CFAP70: variants seen among roughly 807,000 people sequenced by gnomAD.
CFAP70 encodes cilia and flagella associated protein 70.
In CFAP70, 81 loss-of-function variants were observed where a neutral mutation model predicts 137.6. The observed-to-expected ratio is 0.59, with a 90% CI of 0.49 to 0.71. The LOEUF is 0.71. Among genes scored for constraint, CFAP70 ranks in the 30% least tolerant of loss-of-function variants. The pLI is 0.00. For missense variants in CFAP70, 976 were observed against 1,226.7 expected (o/e 0.80, Z 3.05); for synonymous variants, 382 against 423.6 (o/e 0.90, Z 1.20).
chr10:73,354,148 C>A (rs1470451504), intron 2 of CFAP70, among the ~76,000 whole-genome samples: 1 of 152,184 alleles, frequency 6.6e-6, no homozygotes. Flanking sequence ...TACCTACAAT[C>A]TTACTGTAAC....
chr10:73,353,741 T>C (rs2054456297), exon 3 of CFAP70: 1 of 1,613,142 alleles, frequency 6.2e-7, no homozygotes, highest in Admixed American at 1.7e-5. Flanking sequence ...TTTAAAACCT[T>C]TCTGTTGGCA....
intron 17 of CFAP70, 51 bp from the exon 19 acceptor site, chr10:73,291,806 A>C (rs1455798993): frequency 6.2e-7 from 1 of 1,613,748 alleles, no homozygotes; most frequent in East Asian, 2.2e-5. Flanking sequence ...TGTCACATTT[A>C]TGGAACCAAG....
chr10:73,335,123 T>G (rs2052522351), intron 7 of CFAP70, among the ~76,000 whole-genome samples: 1 of 148,722 alleles, frequency 6.7e-6, no homozygotes, highest in Non-Finnish European at 1.5e-5. Flanking sequence ...GGTCTTGAAC[T>G]CTTGGCTTCC....
In CFAP70 at chr10:73,275,616, T is replaced by G; in HGVS notation, c.2521-18A>C. On this transcript the variant is annotated intron_variant, in intron 21 of 26. Coordinates refer to ENST00000310715, the Ensembl canonical transcript of CFAP70. The surrounding 1 kb of genome is among the most constrained non-coding windows in gnomAD (Gnocchi z 4.0). ...TGCACATACTGCAAGGATAATCAGA[T>G]TATAAGCAACATATAAATGGCTGCA... 1.3e-6 allele frequency: 2 copies of G among 1,518,966 alleles called. No homozygotes were observed. Among genetic ancestry groups the G allele is most frequent in the Non-Finnish European group, 1.8e-6 (2 of 1,133,860 alleles). 94.1% of individuals were successfully genotyped at this position (1,518,966 alleles called of 1,614,324 possible). A position where few individuals can be genotyped will look rare whatever the true frequency, so the allele number is the denominator to read the frequency against.
intron 25 of CFAP70, among the ~76,000 whole-genome samples, chr10:73,262,845 T>C (rs1466768011): frequency 6.6e-6 from 1 of 152,000 alleles, no homozygotes; most frequent in Admixed American, 6.6e-5. Flanking sequence ...TGTAGAAAAG[T>C]TAAAGTATAT....
At chr10:73,346,002 G>A (rs1399264598) in intron 4 of CFAP70, among the ~76,000 whole-genome samples, 2 of 151,026 alleles carry the variant, frequency 1.3e-5, no homozygotes, top group African/African-American at 4.9e-5. Context: ...GGGTTCAAGC[G>A]ATTCTTCTGC....
At chr10:73,319,969 A>C (rs1311017792) in intron 9 of CFAP70, among the ~76,000 whole-genome samples, 2 of 152,218 alleles carry the variant, frequency 1.3e-5, no homozygotes, top group Non-Finnish European at 2.9e-5. Context: ...TTATTCTTCT[A>C]GATTGAAAAA....
In CFAP70 at chr10:73,354,731, T is replaced by C; in HGVS notation, c.63+3A>G. On this transcript the variant is annotated splice_donor_region_variant and intron_variant, in intron 2 of 26. Transcript: ENST00000310715. ...TTTTGTAAATTTCCAAAAGTAACTT[T>C]ACCAAATCATATCCCTCTGTCACGG... is the stretch of plus-strand genomic sequence containing the variant. 6.2e-7 allele frequency: 1 copy of C among 1,613,812 alleles called. No homozygotes were observed.
chr10:73,316,481 G>GATATATATATAT (rs1253458738), intron 9 of CFAP70, among the ~76,000 whole-genome samples: 46 of 106,526 alleles, frequency 4.3e-4, no homozygotes, highest in African/African-American at 1.6e-3. Flanking sequence ...TATATATATA[G>GATATATATATAT]ATATAGATAT....
intron 22 of CFAP70, chr10:73,274,931 A>G (rs1338868212): frequency 4.8e-6 from 1 of 208,010 alleles, no homozygotes; most frequent in East Asian, 1.2e-4. Context: ...AAACACTATC[A>G]GCTAAAGATA....
chr10:73,306,243 T>A (rs554320159), intron 12 of CFAP70, among the ~76,000 whole-genome samples: 2 of 152,186 alleles, frequency 1.3e-5, no homozygotes, highest in South Asian at 4.1e-4. Context: ...TGGAAGAAAC[T>A]TCCCCCTTTC....
chr10:73,291,413 A>G (rs1370002615), exon 19 of CFAP70: 1 of 1,614,210 alleles, frequency 6.2e-7, no homozygotes, highest in Non-Finnish European at 8.5e-7. Context: ...TTTCCATTCG[A>G]ATATCATTGT....
chr10:73,322,831 CTATA>C, intron 9 of CFAP70, 128 bp downstream of exon 10: 1 of 745,892 alleles, frequency 1.3e-6, no homozygotes, highest in South Asian at 2.9e-5. Context: ...GACTGTAAGG[CTATA>C]TATTTAATAT....
rs552724455 is a variant in CFAP70, at chr10:73,283,899, A to G, written c.2240-5562T>C. Among the ~76,000 whole-genome samples, 29 of 152,324 alleles carry G rather than the reference A, an allele frequency of 1.9e-4. No homozygotes were observed. The East Asian group carries it at 4.6e-3, about 24-fold the overall frequency. ...AATGAGGTTCCTGTACACAACATAT[A>G]GTTGAGGTTTTAAAAATTATTATTT... On this transcript the variant is annotated intron_variant, in intron 19 of 26. Coordinates refer to ENST00000310715, the Ensembl canonical transcript of CFAP70.
rs1401416835 is a variant in CFAP70, at chr10:73,348,247, A to G, written c.349+176T>C. The G allele has an allele frequency of 1.2e-6, 2 of 1,614,088 alleles. No individual in the cohort carries two copies. The highest frequency in any genetic ancestry group is 1.3e-5 in the African/African-American group (1 of 75,062). ...AAATGAACTCTGTCCTGCAAAAAGAAGCCCAAGTTGAGCCAAAGAAGAAAG... is the reference window on the plus strand; with the variant it reads ...AAATGAACTCTGTCCTGCAAAAAGAGGCCCAAGTTGAGCCAAAGAAGAAAG... On this transcript the variant is annotated intron_variant, in intron 4 of 26. Coordinates refer to ENST00000310715, the Ensembl canonical transcript of CFAP70.
intron 19 of CFAP70, among the ~76,000 whole-genome samples, chr10:73,284,777 T>C (rs2047540840): frequency 2.1e-5 from 1 of 48,778 alleles, no homozygotes; most frequent in Non-Finnish European, 3.7e-5. Flanking sequence ...TATATATATA[T>C]ATATATATAT....
intron 19 of CFAP70, among the ~76,000 whole-genome samples, chr10:73,285,674 G>A (rs927616862): frequency 1.4e-5 from 2 of 141,570 alleles, no homozygotes; most frequent in South Asian, 2.2e-4. Context: ...TCACTCTGTC[G>A]CTGAGGCTGG....
rs546975510 is a variant in CFAP70 at position 73,347,995 on chromosome 10, G to T, written c.349+428C>A. Among the ~76,000 whole-genome samples, 7 of 152,198 alleles carry T rather than the reference G, an allele frequency of 4.6e-5. No individual in the cohort carries two copies. In the South Asian group the frequency reaches 1.2e-3, roughly 27 times the overall value. On this transcript the variant is annotated intron_variant, in intron 4 of 26. Transcript: ENST00000310715. ...GTAGACTGTGGGCTTTTCAAAGTAG[G>T]ACTCTGCCTTATTATCTTTGTTTCC...
intron 11 of CFAP70, among the ~76,000 whole-genome samples, chr10:73,310,932 C>G (rs1266185178): frequency 6.6e-6 from 1 of 152,136 alleles, no homozygotes; most frequent in African/African-American, 2.4e-5. Context: ...CATCAACACT[C>G]ATCTATACTA....
Sources: gnomAD v4.1 joint callset for allele counts (sites outside exome capture counted in the v4.1 genomes callset) on GRCh38, gnomAD v4.1.1 for gene constraint, Gnocchi (gnomAD v3.1) non-coding constraint, MANE v1.5 for transcripts, NCBI Gene and HGNC (gene_info 2026-07-23, HGNC 2026-07-21) for gene names.